The following ZNF532 variants were observed in gnomAD, a reference collection of about 807,000 sequenced individuals.
ZNF532 encodes zinc finger protein 532.
A neutral mutation model predicts 89.3 loss-of-function variants in ZNF532; 22 were observed. The ratio of observed to expected loss-of-function variants is 0.25; its 90% confidence interval spans 0.18 to 0.35. ZNF532 has a LOEUF of 0.35. Ranked by LOEUF, ZNF532 falls within the 10% of genes least tolerant of loss-of-function variation. The pLI is 1.00. For synonymous variants in ZNF532, 606 were observed against 649.6 expected (o/e 0.93, Z 1.02); for missense variants, 1,132 against 1,643.4 (o/e 0.69, Z 5.38).
rs1238199819 is a variant in ZNF532, at chr18:58,984,953, G to C, written c.*487G>C. The C allele has an allele frequency of 6.2e-6, 1 of 160,988 alleles. No individual in the cohort carries two copies. Among genetic ancestry groups the C allele is most frequent in the African/African-American group, 2.4e-5 (1 of 41,464 alleles). 10.0% of individuals were successfully genotyped at this position (160,988 alleles called of 1,614,324 possible). A position where few individuals can be genotyped will look rare whatever the true frequency, so the allele number is the denominator to read the frequency against. On this transcript the variant is annotated 3_prime_UTR_variant, in exon 10 of 10. Coordinates refer to ENST00000591808, the MANE Select transcript of ZNF532 (RefSeq NM_001375912.1). The stretch of plus-strand genomic sequence containing the variant: ...TAATTGTGGGTCTCAAAAACACTAG[G>C]AACTTTTAAGTGTCTTAGCACTTCC...
chr18:58,955,706 A>G (rs371194888), intron 7 of ZNF532, among the ~76,000 whole-genome samples: 4 of 152,236 alleles, frequency 2.6e-5, no homozygotes, highest in African/African-American at 7.2e-5. Context: ...TGGTCTCACT[A>G]CAGTGTGTCT....
chr18:58,983,861 A>G (rs1403148727), intron 9 of ZNF532, 111 bp from the exon 10 acceptor site: 4 of 1,388,744 alleles, frequency 2.9e-6, no homozygotes, highest in Non-Finnish European at 3.9e-6. Flanking sequence ...CTAAATCCCA[A>G]AGCGTTCAGC....
At chr18:58,907,723 G>A (rs1005373138) in intron 2 of ZNF532, among the ~76,000 whole-genome samples, 1 of 152,134 alleles carries the variant, frequency 6.6e-6, no homozygotes, top group Non-Finnish European at 1.5e-5. Context: ...AGGTCCTGAC[G>A]TGGTAGATTT....
chr18:58,953,958 AT>A, intron 7 of ZNF532, 159 bp downstream of exon 7: 2 of 985,344 alleles, frequency 2.0e-6, no homozygotes, highest in Non-Finnish European at 2.4e-6. Context: ...TATCTGTGAA[AT>A]AGACCTTTTC....
intron 5 of ZNF532, among the ~76,000 whole-genome samples, chr18:58,944,879 C>G (rs2063519090): frequency 6.6e-6 from 1 of 152,174 alleles, no homozygotes; most frequent in Non-Finnish European, 1.5e-5. Context: ...TGGTCTGTCT[C>G]CCTCCCTGCT....
intron 7 of ZNF532, among the ~76,000 whole-genome samples, chr18:58,957,543 G>C (rs9945797): frequency 0.031 from 4,670 of 151,620 alleles, 260 homozygotes; most frequent in African/African-American, 0.11. Flanking sequence ...ATAAGATTTG[G>C]AGTAAATATT....
intron 5 of ZNF532, among the ~76,000 whole-genome samples, chr18:58,943,160 T>C (rs968992167): frequency 8.3e-5 from 5 of 60,132 alleles, no homozygotes; most frequent in Non-Finnish European, 1.5e-4. Context: ...TACTATATCT[T>C]TTTTTTTTTT....
chr18:58,911,941 G>C (rs538070102), intron 2 of ZNF532, among the ~76,000 whole-genome samples: 4 of 152,272 alleles, frequency 2.6e-5, no homozygotes, highest in East Asian at 3.9e-4. Flanking sequence ...TAGGCCGAGT[G>C]GGGGAGGTTG....
At chr18:58,964,717 G>A (rs1603305731) in intron 7 of ZNF532, among the ~76,000 whole-genome samples, 1 of 151,956 alleles carries the variant, frequency 6.6e-6, no homozygotes, top group Non-Finnish European at 1.5e-5. Context: ...CTCCTGAGTA[G>A]CAGGGACTAC....
intron 7 of ZNF532, among the ~76,000 whole-genome samples, chr18:58,963,838 A>G (rs1195516003): frequency 6.6e-6 from 1 of 151,688 alleles, no homozygotes; most frequent in East Asian, 1.9e-4. Context: ...AAAAAAAAAA[A>G]AAAATTTAAA....
At chr18:58,892,631 A>C (rs2058976612) in intron 2 of ZNF532, among the ~76,000 whole-genome samples, 1 of 152,250 alleles carries the variant, frequency 6.6e-6, no homozygotes, top group Non-Finnish European at 1.5e-5. Context: ...ATTTGAACAA[A>C]GGGCAGCCTG....
intron 7 of ZNF532, among the ~76,000 whole-genome samples, chr18:58,964,836 G>T (rs1016796376): frequency 6.6e-6 from 1 of 151,662 alleles, no homozygotes; most frequent in African/African-American, 2.4e-5. Context: ...CAAACTCCTG[G>T]CCTCAAGTGA....
intron 7 of ZNF532, among the ~76,000 whole-genome samples, chr18:58,960,176 T>G (rs1445208739): frequency 1.2e-4 from 19 of 152,198 alleles, no homozygotes; most frequent in Admixed American, 1.2e-3. Flanking sequence ...TGACCTCAAG[T>G]GGGATTACAG....
chr18:58,901,800 G>C (rs1161059297), intron 2 of ZNF532, among the ~76,000 whole-genome samples: 1 of 152,082 alleles, frequency 6.6e-6, no homozygotes, highest in African/African-American at 2.4e-5. Flanking sequence ...CATCTCCTCT[G>C]GAGCTCCAGG....
At chr18:58,906,024 T>A (rs796198890) in intron 2 of ZNF532, among the ~76,000 whole-genome samples, 14 of 152,302 alleles carry the variant, frequency 9.2e-5, no homozygotes, top group African/African-American at 2.6e-4. Flanking sequence ...CAGTGTGCCA[T>A]TCTCATCACA....
intron 6 of ZNF532, 42 bp from the exon 7 acceptor site, chr18:58,953,473 GTGT>G: frequency 6.5e-7 from 1 of 1,540,706 alleles, no homozygotes; most frequent in Non-Finnish European, 8.8e-7. Context: ...CTTTCTTTTA[GTGT>G]TGTGATTTGT....
chr18:58,892,048 G>T (rs993516854), intron 2 of ZNF532, among the ~76,000 whole-genome samples: 2 of 152,136 alleles, frequency 1.3e-5, no homozygotes, highest in African/African-American at 4.8e-5. Context: ...GTGACAGAAG[G>T]TATTCTTGGA....
chr18:58,945,165 T>A (rs1412309906), intron 5 of ZNF532, among the ~76,000 whole-genome samples: 1 of 152,224 alleles, frequency 6.6e-6, no homozygotes, highest in Non-Finnish European at 1.5e-5. Flanking sequence ...AGTTGCTCAG[T>A]GTCCCCTGTT....
chr18:58,921,494 G>A (rs1282475141), intron 3 of ZNF532, among the ~76,000 whole-genome samples: 2 of 152,214 alleles, frequency 1.3e-5, no homozygotes, highest in African/African-American at 4.8e-5. Flanking sequence ...TGGTCCAGAA[G>A]TGTGTTCAGT....
Sources: allele counts gnomAD v4.1 joint callset (sites outside exome capture counted in the v4.1 genomes callset), GRCh38; gene constraint gnomAD v4.1.1; transcripts MANE v1.5; gene names NCBI Gene and HGNC (gene_info 2026-07-23, HGNC 2026-07-21).